The following DRG1 variants were observed in gnomAD, a reference collection of about 807,000 sequenced individuals.
The protein encoded by DRG1 is developmentally regulated GTP binding protein 1, also known as developmentally-regulated GTP-binding protein 1.
A neutral mutation model predicts 38.8 loss-of-function variants in DRG1; 19 were observed. The ratio of observed to expected loss-of-function variants is 0.49; its 90% CI spans 0.34 to 0.72. The LOEUF (loss-of-function observed/expected upper bound fraction) is 0.72, where lower values mean the gene tolerates loss of function less well. Among genes scored for constraint, DRG1 ranks in the 30% least tolerant of loss-of-function variants. The pLI, the probability that DRG1 is intolerant of heterozygous loss-of-function variation, is 0.01. For synonymous variants in DRG1, 167 were observed against 157.5 expected, an observed-to-expected ratio of 1.06 and a Z score of -0.45; for missense variants, 299 against 444.8, an observed-to-expected ratio of 0.67 and a Z score of 2.95.
intron 6 of DRG1, among the ~76,000 whole-genome samples, chr22:31,423,634 C>A (rs1228636685): frequency 1.4e-5 from 2 of 145,382 alleles, no homozygotes; most frequent in Non-Finnish European, 3.0e-5. Context: ...TCAAGAGATT[C>A]TTCTGCCTCA....
At chr22:31,410,971 G>T in intron 3 of DRG1, 41 bp from the exon 4 acceptor site, 2 of 1,602,710 alleles carry the variant, frequency 1.2e-6, no homozygotes, top group Non-Finnish European at 1.7e-6. Flanking sequence ...TTTATAACCA[G>T]TTTTTTCTTT....
At chr22:31,411,239 A>G (rs971199578) in intron 4 of DRG1, among the ~76,000 whole-genome samples, 158 bp downstream of exon 4, 1 of 152,196 alleles carries the variant, frequency 6.6e-6, no homozygotes, top group African/African-American at 2.4e-5. Context: ...CCTCAGCTGC[A>G]ACGTTAGCAA....
chr22:31,432,429 G>GTTTT (rs556570663), intron 8 of DRG1, among the ~76,000 whole-genome samples: 1 of 135,736 alleles, frequency 7.4e-6, no homozygotes, highest in African/African-American at 2.7e-5. Context: ...GTGTGTGTGT[G>GTTTT]TTTTTTTTTT....
intron 2 of DRG1, 62 bp from the exon 3 acceptor site, chr22:31,402,967 T>TATA (rs2049971167): frequency 6.6e-7 from 1 of 1,522,092 alleles, no homozygotes; most frequent in Non-Finnish European, 8.8e-7. Context: ...TGAAAGAAGT[T>TATA]ATATGAGTCT....
At chr22:31,432,812 G>C (rs2050147920) in intron 8 of DRG1, among the ~76,000 whole-genome samples, 1 of 152,170 alleles carries the variant, frequency 6.6e-6, no homozygotes, top group Admixed American at 6.5e-5. Context: ...GCCCGCCTCA[G>C]CCTCCCAAAG....
chr22:31,420,692 G>C (rs1389673035), intron 5 of DRG1, among the ~76,000 whole-genome samples: 2 of 152,302 alleles, frequency 1.3e-5, no homozygotes, highest in Admixed American at 6.5e-5. Context: ...CTTGCATAAA[G>C]TAGATGGCCG....
chr22:31,404,849 C>T (rs2049981020), intron 3 of DRG1, among the ~76,000 whole-genome samples: 1 of 151,916 alleles, frequency 6.6e-6, no homozygotes, highest in African/African-American at 2.4e-5. Context: ...GTTTTGAACT[C>T]CTGACCTCAA....
At chr22:31,425,867 T>G (rs1380883716) in intron 6 of DRG1, among the ~76,000 whole-genome samples, 2 of 152,222 alleles carry the variant, frequency 1.3e-5, no homozygotes, top group Admixed American at 1.3e-4. Flanking sequence ...TACTTACTCC[T>G]CATTTGAAAA....
chr22:31,427,377 G>A (rs2050116498), intron 8 of DRG1, among the ~76,000 whole-genome samples, 195 bp downstream of exon 8: 1 of 151,954 alleles, frequency 6.6e-6, no homozygotes, highest in Admixed American at 6.6e-5. Flanking sequence ...ACCTCTTTAG[G>A]TCAGGAAGCC....
At chr22:31,410,336 T>C (rs1243865301) in intron 3 of DRG1, among the ~76,000 whole-genome samples, 2 of 151,300 alleles carry the variant, frequency 1.3e-5, no homozygotes, top group Non-Finnish European at 2.9e-5. Context: ...GCACCTGTAG[T>C]CCCAGCTACT....
intron 6 of DRG1, among the ~76,000 whole-genome samples, chr22:31,424,663 T>G (rs942005927): frequency 6.6e-6 from 1 of 151,198 alleles, no homozygotes; most frequent in African/African-American, 2.4e-5. Flanking sequence ...TACATCTGGC[T>G]AATTTTTTGT....
chr22:31,401,610 T>G (rs2049961232), intron 2 of DRG1, among the ~76,000 whole-genome samples: 1 of 135,594 alleles, frequency 7.4e-6, no homozygotes. Context: ...AAAAAAAGTA[T>G]CCTAGCATGG....
chr22:31,408,527 C>T (rs1286318004), intron 3 of DRG1, among the ~76,000 whole-genome samples: 1 of 151,598 alleles, frequency 6.6e-6, no homozygotes, highest in African/African-American at 2.4e-5. Flanking sequence ...GCGAGCAGAT[C>T]ACTTGAGGTC....
At chr22:31,420,169 AG>A in intron 4 of DRG1, 86 bp from the exon 5 acceptor site, 1 of 1,451,020 alleles carries the variant, frequency 6.9e-7, no homozygotes, top group Non-Finnish European at 9.4e-7. Flanking sequence ...ACTTAAATGT[AG>A]GGGGAAAAAA....
intron 1 of DRG1, among the ~76,000 whole-genome samples, 166 bp downstream of exon 1, chr22:31,399,891 C>T (rs535306911): frequency 7.2e-5 from 11 of 152,184 alleles, no homozygotes; most frequent in African/African-American, 2.6e-4. Flanking sequence ...TAGGAGTCCC[C>T]GACTCTCCTC....
At chr22:31,408,878 T>C (rs578232643) in intron 3 of DRG1, among the ~76,000 whole-genome samples, 3 of 152,170 alleles carry the variant, frequency 2.0e-5, no homozygotes, top group Admixed American at 2.0e-4. Context: ...TTTTAGATTT[T>C]ATATTTGTTT....
At chr22:31,402,505 C>CTTTT (rs66506650) in intron 2 of DRG1, among the ~76,000 whole-genome samples, 13 of 104,736 alleles carry the variant, frequency 1.2e-4, no homozygotes, top group East Asian at 3.0e-4. Context: ...TGGGCTGTAC[C>CTTTT]TTTTTTTTTT....
At chr22:31,401,768 G>C (rs999085640) in intron 2 of DRG1, among the ~76,000 whole-genome samples, 2 of 151,140 alleles carry the variant, frequency 1.3e-5, no homozygotes, top group Non-Finnish European at 3.0e-5. Flanking sequence ...GAAAACCAAA[G>C]TAGGGCCAGG....
Position 31,423,361 on chromosome 22 carries a change from C to T in DRG1, c.664C>T (p.Arg222Cys), listed in dbSNP as rs1474313008. ...GATTCATAATGCCGATGTGACTCTA[C>T]GTAGTGATGCTACAGCTGATGACCT... is the stretch of plus-strand genomic sequence containing the variant. ...YKIHNADVTL[R>C]SDATADDLID... is the part of the protein sequence containing the mutation. Residue 222 changes from arginine (R) to cysteine (C), a missense_variant, in exon 6 of 9, where the codon CGT becomes TGT. By Grantham distance (180) the Arg-to-Cys change is radical. This residue lies in a region of DRG1 where 198 missense variants were observed against 268.1 expected (regional missense o/e 0.74). Transcript: ENST00000331457. The T allele has an allele frequency of 2.5e-6, 4 of 1,613,838 alleles. No homozygotes were observed. The highest frequency in any genetic ancestry group is 1.1e-5 in the South Asian group (1 of 91,066).
Sources: gnomAD v4.1 joint callset for allele counts (sites outside exome capture counted in the v4.1 genomes callset) on GRCh38, gnomAD v4.1.1 for gene constraint, gnomAD v4.1.1 regional missense constraint, MANE v1.5 for transcripts, NCBI Gene and HGNC (gene_info 2026-07-23, HGNC 2026-07-21) for gene names.